Variants in PLEKHH2 observed in about 807,000 individuals in gnomAD.
The protein encoded by PLEKHH2 is pleckstrin homology domain-containing family H member 2.
A neutral mutation model predicts 187.9 loss-of-function variants in PLEKHH2; 129 were observed. The ratio of observed to expected loss-of-function variants is 0.69; its 90% CI spans 0.59 to 0.79. The LOEUF (loss-of-function observed/expected upper bound fraction) is 0.79, where lower values mean the gene tolerates loss of function less well. Ranked by LOEUF, PLEKHH2 falls within the 30% of genes least tolerant of loss-of-function variation. The pLI is 0.00. For synonymous variants in PLEKHH2, 686 were observed against 605.6 expected (o/e 1.13, Z -1.95); for missense variants, 2,076 against 1,751.2 (o/e 1.19, Z -3.31).
At position 43,745,940 on chromosome 2, in the gene PLEKHH2, TG is replaced by T; in HGVS notation, c.3631del (p.Val1211PhefsTer3). 6.2e-7 allele frequency: 1 copy of T among 1,610,480 alleles called. No homozygotes were observed. On this transcript the variant is annotated frameshift_variant, in exon 24 of 30. Coordinates refer to ENST00000282406, the MANE Select transcript of PLEKHH2 (RefSeq NM_172069.4). LOFTEE classifies it high-confidence loss of function. ...QPGKCEGTRT[V>X]RLTYKNRLYF... ...CTGGAAAATGTGAAGGTACAAGGAC[TG>T]TTCGTCTGACATACAAAAACAGGTG... is the stretch of plus-strand genomic sequence containing the variant.
intron 3 of PLEKHH2, among the ~76,000 whole-genome samples, chr2:43,687,685 C>G (rs1324945910): frequency 1.3e-5 from 2 of 152,160 alleles, no homozygotes; most frequent in Non-Finnish European, 2.9e-5. Flanking sequence ...GCCATTCTGA[C>G]TGGTGTGAAA....
intron 19 of PLEKHH2, among the ~76,000 whole-genome samples, chr2:43,737,099 A>G (rs1671331349): frequency 6.6e-6 from 1 of 152,196 alleles, no homozygotes; most frequent in Non-Finnish European, 1.5e-5. Flanking sequence ...AATGGGGCCC[A>G]GATAGTCCTA....
chr2:43,644,046 G>A (rs1666072318), intron 1 of PLEKHH2, among the ~76,000 whole-genome samples: 1 of 152,026 alleles, frequency 6.6e-6, no homozygotes, highest in Admixed American at 6.6e-5. Context: ...ATGCAAACTT[G>A]TCAGGATCAC....
chr2:43,716,358 T>C (rs972939198), intron 15 of PLEKHH2, among the ~76,000 whole-genome samples: 1 of 152,200 alleles, frequency 6.6e-6, no homozygotes, highest in Non-Finnish European at 1.5e-5. Context: ...CATTGAGTGA[T>C]ATCATGTCTA....
intron 9 of PLEKHH2, 102 bp from the exon 10 acceptor site, chr2:43,706,220 T>C: frequency 1.2e-6 from 1 of 821,332 alleles, no homozygotes; most frequent in South Asian, 1.4e-5. Context: ...TTAATCGAAT[T>C]GCTTTTTAAA....
At chr2:43,683,730 G>A (rs1668356024) in intron 3 of PLEKHH2, among the ~76,000 whole-genome samples, 1 of 151,552 alleles carries the variant, frequency 6.6e-6, no homozygotes, top group African/African-American at 2.4e-5. Context: ...TACTTCTTGG[G>A]TGATATTGTT....
intron 19 of PLEKHH2, 42 bp downstream of exon 19, chr2:43,731,644 C>T (rs1375529749): frequency 2.5e-6 from 3 of 1,224,216 alleles, no homozygotes; most frequent in Non-Finnish European, 3.4e-6. Context: ...AGGTAAAATA[C>T]TTATATGTTG....
At chr2:43,668,032 G>GT (rs1435217171) in intron 2 of PLEKHH2, among the ~76,000 whole-genome samples, 2 of 152,012 alleles carry the variant, frequency 1.3e-5, no homozygotes, top group African/African-American at 2.4e-5. Flanking sequence ...ATTCTTTTTT[G>GT]TTGTTGTTGT....
chr2:43,725,879 G>C (rs1213384501), intron 16 of PLEKHH2, among the ~76,000 whole-genome samples: 1 of 152,122 alleles, frequency 6.6e-6, no homozygotes, highest in Non-Finnish European at 1.5e-5. Context: ...GGGAGGCTGA[G>C]GCAGGAGGAT....
intron 2 of PLEKHH2, chr2:43,676,299 T>C (rs765127163): frequency 3.1e-6 from 5 of 1,611,192 alleles, no homozygotes; most frequent in Non-Finnish European, 3.4e-6. Flanking sequence ...CCTTAAAAAA[T>C]GATGTCCCAC....
rs148722635 is a variant in PLEKHH2 at position 43,702,932 on chromosome 2, C to G, written c.1651-1049C>G. On this transcript the variant is annotated intron_variant, in intron 8 of 29. Coordinates refer to ENST00000282406, the MANE Select transcript of PLEKHH2 (RefSeq NM_172069.4). ...CAGTCCCCTCTCTCTAATTCTACTA[C>G]TAACCACTTTCCCCCAGTCTCCTAG... Among the ~76,000 whole-genome samples the G allele has an allele frequency of 1.2e-3, 185 of 152,230 alleles. 2 individuals carry two copies. The highest frequency in any genetic ancestry group is 4.2e-3 in the African/African-American group (176 of 41,554).
At position 43,699,668 on chromosome 2, in the gene PLEKHH2, C is replaced by G; in HGVS notation, c.710C>G (p.Ser237Cys). The G allele has an allele frequency of 1.2e-6, 2 of 1,612,078 alleles. No homozygotes were observed. The highest frequency in any genetic ancestry group is 1.7e-6 in the Non-Finnish European group (2 of 1,179,038). Residue 237 changes from serine to cysteine, a missense_variant, in exon 8 of 30, where the codon TCT becomes TGT. Physicochemically the swap from Ser to Cys is moderately radical, Grantham distance 112. Coordinates refer to ENST00000282406, the MANE Select transcript of PLEKHH2 (RefSeq NM_172069.4). ...CTAGAAATGGAAATTCCAGAAAAGT[C>G]TGTTGATAACCAAGTTCTAGAAAAC... ...DMEEMEIPEK[S>C]VDNQVLENNR...
chr2:43,681,124 A>G, intron 3 of PLEKHH2: 1 of 889,026 alleles, frequency 1.1e-6, no homozygotes, highest in Non-Finnish European at 1.8e-6. Flanking sequence ...TTGTGAAACC[A>G]AGTCAAGGAG....
chr2:43,749,089 T>G (rs1445303535), intron 24 of PLEKHH2, among the ~76,000 whole-genome samples: 1 of 152,190 alleles, frequency 6.6e-6, no homozygotes, highest in Non-Finnish European at 1.5e-5. Flanking sequence ...ACCTTATGAA[T>G]GCTTAATACA....
At chr2:43,738,690 A>G (rs1671417302) in intron 20 of PLEKHH2, among the ~76,000 whole-genome samples, 170 bp downstream of exon 20, 2 of 152,230 alleles carry the variant, frequency 1.3e-5, no homozygotes. Flanking sequence ...ATGTTTATAT[A>G]TAAATGTGTG....
Position 43,753,103 on chromosome 2 carries a change from T to C in PLEKHH2, c.3654-516T>C, listed in dbSNP as rs544026066. 2.0e-5 allele frequency among the ~76,000 whole-genome samples: 3 copies of C among 152,300 alleles called. No individual in the cohort carries two copies. The South Asian group carries it at 6.2e-4, about 32-fold the overall frequency. ...GAAGGATCATGAGGGTTTTGAAGAC[T>C]GGGTTTATACAGCCCATTGAAATAA... On this transcript the variant is annotated intron_variant, in intron 24 of 29. Transcript: ENST00000282406.
intron 19 of PLEKHH2, among the ~76,000 whole-genome samples, chr2:43,737,071 G>C (rs1025070301): frequency 6.6e-6 from 1 of 152,182 alleles, no homozygotes; most frequent in Non-Finnish European, 1.5e-5. Flanking sequence ...AGAGTGCACA[G>C]AAGGTGATTG....
chr2:43,720,018 C>T (rs1198887651), intron 15 of PLEKHH2, among the ~76,000 whole-genome samples: 2 of 152,166 alleles, frequency 1.3e-5, no homozygotes, highest in Non-Finnish European at 2.9e-5. Flanking sequence ...TTAATGCATT[C>T]ATGGGGTACA....
intron 19 of PLEKHH2, among the ~76,000 whole-genome samples, chr2:43,737,787 T>A (rs1671367241): frequency 6.6e-6 from 1 of 152,188 alleles, no homozygotes; most frequent in South Asian, 2.1e-4. Context: ...GCGTGCCACA[T>A]GCTACCAGTC....
Sources: gnomAD v4.1 joint callset for allele counts (sites outside exome capture counted in the v4.1 genomes callset) on GRCh38, gnomAD v4.1.1 for gene constraint, MANE v1.5 for transcripts, NCBI Gene and HGNC (gene_info 2026-07-23, HGNC 2026-07-21) for gene names.